Variants in PAK4 observed in about 807,000 individuals in gnomAD.
The protein encoded by PAK4 is serine/threonine-protein kinase PAK 4.
In PAK4, 49 loss-of-function variants were observed where a neutral mutation model predicts 53.5. The observed-to-expected ratio is 0.92, with a 90% CI of 0.73 to 1.16. PAK4 has a LOEUF of 1.16. Among genes scored for constraint, PAK4 ranks in the 50% most tolerant of loss-of-function variants. The pLI is 0.00. For synonymous variants in PAK4, 376 were observed against 375.6 expected, an observed-to-expected ratio of 1.00 and a Z score of -0.01; for missense variants, 824 against 850.7, an observed-to-expected ratio of 0.97 and a Z score of 0.39.
At chr19:39,146,273 G>C (rs1273179624) in intron 1 of PAK4, among the ~76,000 whole-genome samples, 2 of 152,164 alleles carry the variant, frequency 1.3e-5, no homozygotes, top group Non-Finnish European at 2.9e-5. Flanking sequence ...GCCAGAGTGT[G>C]ACAGCTGTGA....
intron 7 of PAK4, 43 bp from the exon 9 acceptor site, chr19:39,177,632 A>AT: frequency 7.6e-6 from 12 of 1,585,128 alleles, no homozygotes; most frequent in Non-Finnish European, 9.5e-6. Context: ...AGGACCCACC[A>AT]TCCCCCAACA....
intron 1 of PAK4, among the ~76,000 whole-genome samples, chr19:39,128,323 G>A (rs539058592): frequency 1.0e-3 from 158 of 152,284 alleles, no homozygotes; most frequent in African/African-American, 3.7e-3. Context: ...CAGAGACAGT[G>A]GAGGCCCTCG....
intron 1 of PAK4, among the ~76,000 whole-genome samples, chr19:39,131,395 C>T (rs986799948): frequency 2.0e-5 from 3 of 152,186 alleles, no homozygotes; most frequent in Non-Finnish European, 2.9e-5. Context: ...CGTGGTGAGC[C>T]AGACTTCCTG....
At chr19:39,148,265 A>G (rs1600340815) in intron 1 of PAK4, among the ~76,000 whole-genome samples, 2 of 150,856 alleles carry the variant, frequency 1.3e-5, no homozygotes, top group African/African-American at 4.9e-5. Flanking sequence ...TCTTTATTCT[A>G]CATACTAGTC....
In PAK4 at chr19:39,175,916, TCCCCTC is replaced by T. The variant is rs1418740193; in HGVS notation, c.1359+483_1359+488del. Reference sequence around the variant, plus strand: ...ATGCTTGCAGAAGTGGATGACTCCATCCCCTCCCCCAAGGAAGATTAAGCCACACCA... The same window carrying T: ...ATGCTTGCAGAAGTGGATGACTCCATCCCCAAGGAAGATTAAGCCACACCA... On this transcript the variant is annotated intron_variant, in intron 6 of 8. Coordinates refer to ENST00000358301, the Ensembl canonical transcript of PAK4. This position sits in a 1 kb window ranked among gnomAD's most constrained non-coding sequence, Gnocchi z 4.7. 1.3e-5 allele frequency among the ~76,000 whole-genome samples: 2 copies of T among 152,034 alleles called. No individual in the cohort carries two copies. Among genetic ancestry groups the T allele is most frequent in the Non-Finnish European group, 2.9e-5 (2 of 68,000 alleles).
chr19:39,137,048 A>G (rs1349433016), intron 1 of PAK4, among the ~76,000 whole-genome samples: 1 of 152,152 alleles, frequency 6.6e-6, no homozygotes, highest in East Asian at 1.9e-4. Flanking sequence ...TCTCTGCCTC[A>G]GTGTCTTCCT....
chr19:39,169,498 G>T, intron 1 of PAK4, 34 bp from the exon 3 acceptor site: 1 of 1,454,420 alleles, frequency 6.9e-7, no homozygotes, highest in Non-Finnish European at 9.6e-7. Flanking sequence ...ACATGGGCAG[G>T]CTCTCACTCA....
At position 39,173,564 on chromosome 19, in the gene PAK4, C is replaced by G; in HGVS notation, c.664-12C>G. 6.6e-7 allele frequency: 1 copy of G among 1,516,726 alleles called. No homozygotes were observed. Among genetic ancestry groups the G allele is most frequent in the African/African-American group, 1.4e-5 (1 of 71,790 alleles). The allele number at this position is 1,516,726 out of a possible 1,614,324, so 94.0% of individuals were successfully genotyped here. A position where few individuals can be genotyped will look rare whatever the true frequency, so the allele number is the denominator to read the frequency against. ...GCACCCATCACTGACAGCTACCTCT[C>G]TTCTGTTTCAGGGGGAGCCTCATGA... is the stretch of plus-strand genomic sequence containing the variant. On this transcript the variant is annotated splice_polypyrimidine_tract_variant and intron_variant, in intron 3 of 8. Transcript: ENST00000358301. The surrounding 1 kb of genome is among the most constrained non-coding windows in gnomAD (Gnocchi z 6.9).
At chr19:39,158,614 T>G (rs2074233935) in intron 1 of PAK4, among the ~76,000 whole-genome samples, 1 of 152,190 alleles carries the variant, frequency 6.6e-6, no homozygotes. Flanking sequence ...CCTTTTGTGC[T>G]GGGCCAGATT....
chr19:39,131,803 C>T (rs2073717119), intron 1 of PAK4, among the ~76,000 whole-genome samples: 1 of 152,194 alleles, frequency 6.6e-6, no homozygotes, highest in African/African-American at 2.4e-5. Flanking sequence ...ACACACATCC[C>T]TTAGCCTTTT....
intron 1 of PAK4, among the ~76,000 whole-genome samples, chr19:39,126,652 T>G (rs1352444575): frequency 6.6e-6 from 1 of 152,130 alleles, no homozygotes; most frequent in Non-Finnish European, 1.5e-5. Context: ...TTGCACAAGG[T>G]CACCCGATGC....
At chr19:39,153,599 G>A (rs574257220) in intron 1 of PAK4, among the ~76,000 whole-genome samples, 16 of 152,080 alleles carry the variant, frequency 1.1e-4, no homozygotes, top group African/African-American at 3.6e-4. Flanking sequence ...CTACCGCCAC[G>A]CCACGCCAAT....
intron 1 of PAK4, among the ~76,000 whole-genome samples, chr19:39,140,375 A>G (rs886411666): frequency 2.3e-4 from 35 of 152,114 alleles, no homozygotes; most frequent in Admixed American, 1.6e-3. Flanking sequence ...GCTGGGGGCA[A>G]CACACCATCT....
intron 2 of PAK4, 100 bp from the exon 4 acceptor site, chr19:39,172,818 C>G: frequency 5.0e-6 from 5 of 997,742 alleles, no homozygotes; most frequent in Non-Finnish European, 7.4e-6. Context: ...TCTGTCTTGT[C>G]TCTGTGTGTG....
intron 1 of PAK4, among the ~76,000 whole-genome samples, chr19:39,139,620 T>C (rs1189566691): frequency 6.6e-6 from 1 of 151,882 alleles, no homozygotes. Context: ...GGTACTGCCC[T>C]CCCCCCACTC....
intron 1 of PAK4, among the ~76,000 whole-genome samples, chr19:39,138,088 T>C (rs907065840): frequency 3.3e-5 from 5 of 152,046 alleles, no homozygotes; most frequent in Non-Finnish European, 4.4e-5. Flanking sequence ...TTCAAGCAAT[T>C]CTCTTTCCTC....
intron 1 of PAK4, among the ~76,000 whole-genome samples, chr19:39,127,874 G>T (rs1319096502): frequency 6.6e-6 from 1 of 152,244 alleles, no homozygotes; most frequent in Non-Finnish European, 1.5e-5. Flanking sequence ...GGCAGGAGGA[G>T]CAGTGTGTGC....
intron 1 of PAK4, among the ~76,000 whole-genome samples, chr19:39,133,674 G>A (rs1377844041): frequency 6.6e-6 from 1 of 152,198 alleles, no homozygotes; most frequent in East Asian, 1.9e-4. Flanking sequence ...GACACCTTGA[G>A]GGTTGGGAGC....
intron 1 of PAK4, among the ~76,000 whole-genome samples, chr19:39,126,253 C>G (rs904964217): frequency 2.0e-5 from 3 of 151,872 alleles, no homozygotes; most frequent in African/African-American, 7.3e-5. Context: ...AGGTCACAGC[C>G]CCAGGGGCGC....
Sources: allele counts gnomAD v4.1 joint callset (sites outside exome capture counted in the v4.1 genomes callset), GRCh38; gene constraint gnomAD v4.1.1; non-coding constraint Gnocchi (gnomAD v3.1); transcripts MANE v1.5; gene names NCBI Gene and HGNC (gene_info 2026-07-23, HGNC 2026-07-21).